KIAA0930: variants seen among roughly 807,000 people sequenced by gnomAD.
KIAA0930 encodes the protein uncharacterized protein KIAA0930.
A neutral mutation model predicts 43.9 loss-of-function variants in KIAA0930; 24 were observed. That is an observed-to-expected ratio of 0.55 (90% CI 0.40 to 0.77). The LOEUF (loss-of-function observed/expected upper bound fraction) is 0.77, where lower values mean the gene tolerates loss of function less well. Ranked by LOEUF, KIAA0930 falls within the 30% of genes least tolerant of loss-of-function variation. KIAA0930 has a pLI of 0.00. For synonymous variants in KIAA0930, 259 were observed against 216.4 expected (o/e 1.20, Z -1.73); for missense variants, 461 against 574.2 (o/e 0.80, Z 2.02).
chr22:45,219,647 C>T (rs192899641), intron 1 of KIAA0930, among the ~76,000 whole-genome samples: 1 of 119,406 alleles, frequency 8.4e-6, no homozygotes, highest in Admixed American at 1.2e-4. Flanking sequence ...GCTGGAATAA[C>T]ATCATGTGAT....
chr22:45,205,438 C>T, intron 4 of KIAA0930, 120 bp from the exon 5 acceptor site: 1 of 947,008 alleles, frequency 1.1e-6, no homozygotes, highest in Non-Finnish European at 1.7e-6. Flanking sequence ...CAGAGACCTA[C>T]CAGGAGATGT....
In KIAA0930 at chr22:45,224,546, G is replaced by A. The variant is rs529593610; in HGVS notation, c.65-12439C>T. Among the ~76,000 whole-genome samples, 20 of 152,292 alleles carry A rather than the reference G, an allele frequency of 1.3e-4. No individual in the cohort carries two copies. The South Asian group carries it at 1.7e-3, about 13-fold the overall frequency. On this transcript the variant is annotated intron_variant, in intron 1 of 9. Coordinates refer to ENST00000336156, the MANE Select transcript of KIAA0930 (RefSeq NM_001009880.2). ...TGGAAGCTGGTGTTTGAACCCACTCGTCCTCACATCAGTTAGTTTGGTCTC... is the reference window on the plus strand; with the variant it reads ...TGGAAGCTGGTGTTTGAACCCACTCATCCTCACATCAGTTAGTTTGGTCTC...
At chr22:45,208,331 CAT>C (rs904493694) in intron 2 of KIAA0930, among the ~76,000 whole-genome samples, 20 of 150,120 alleles carry the variant, frequency 1.3e-4, no homozygotes, top group African/African-American at 4.9e-4. Flanking sequence ...ACTCCACACA[CAT>C]GAGCTGTGAG....
intron 1 of KIAA0930, among the ~76,000 whole-genome samples, chr22:45,230,108 G>A (rs2083843006): frequency 1.3e-5 from 2 of 152,170 alleles, no homozygotes; most frequent in Non-Finnish European, 2.9e-5. Flanking sequence ...GGGGACATAT[G>A]GGACAATGCA....
intron 7 of KIAA0930, among the ~76,000 whole-genome samples, chr22:45,201,242 C>A (rs1674041700): frequency 6.6e-6 from 1 of 152,222 alleles, no homozygotes; most frequent in Non-Finnish European, 1.5e-5. Flanking sequence ...CTCCAGACGA[C>A]CCCGCCAGAG....
Position 45,213,580 on chromosome 22 carries a change from A to T in KIAA0930, c.65-1473T>A, listed in dbSNP as rs77646596. ...CAAAGCCCAAGTCACGCTACTACAGACCCTTGCAAAATTAAGCAAAGCGCT... is the reference window on the plus strand; with the variant it reads ...CAAAGCCCAAGTCACGCTACTACAGTCCCTTGCAAAATTAAGCAAAGCGCT... On this transcript the variant is annotated intron_variant, in intron 1 of 9. Transcript: ENST00000336156. 6,662 of 882,494 alleles carry T rather than the reference A, an allele frequency of 7.5e-3. 334 individuals are homozygous for T. In the African/African-American group the frequency reaches 0.11, roughly 14 times the overall value. 54.7% of individuals were successfully genotyped at this position (882,494 alleles called of 1,614,324 possible).
At chr22:45,213,257 G>T (rs898842982) in intron 1 of KIAA0930, 17 of 1,237,946 alleles carry the variant, frequency 1.4e-5, no homozygotes, top group Non-Finnish European at 1.8e-5. Flanking sequence ...CCCAGCCCTC[G>T]GCCCTCAGCC....
chr22:45,209,914 C>T (rs1479131299), intron 2 of KIAA0930, among the ~76,000 whole-genome samples: 1 of 152,188 alleles, frequency 6.6e-6, no homozygotes, highest in African/African-American at 2.4e-5. Flanking sequence ...CTCCAAATTC[C>T]TCAGGCCTAG....
chr22:45,202,835 G>A, intron 7 of KIAA0930, 155 bp downstream of exon 7: 1 of 601,926 alleles, frequency 1.7e-6, no homozygotes, highest in African/African-American at 1.9e-5. Context: ...GAAGGGCTGG[G>A]TGGTCCGGGC....
At chr22:45,219,331 A>C (rs2083753011) in intron 1 of KIAA0930, among the ~76,000 whole-genome samples, 1 of 152,190 alleles carries the variant, frequency 6.6e-6, no homozygotes, top group African/African-American at 2.4e-5. Flanking sequence ...TACTATGATA[A>C]CTTGGAACAT....
intron 1 of KIAA0930, among the ~76,000 whole-genome samples, chr22:45,231,472 C>T (rs1040202830): frequency 6.6e-6 from 1 of 152,076 alleles, no homozygotes; most frequent in Admixed American, 6.6e-5. Context: ...TGTGTGTGAA[C>T]AGGATACAGA....
At chr22:45,200,416 C>T (rs1401836308) in intron 7 of KIAA0930, among the ~76,000 whole-genome samples, 2 of 152,162 alleles carry the variant, frequency 1.3e-5, no homozygotes, top group African/African-American at 2.4e-5. Flanking sequence ...CCTCCAGCTC[C>T]GTGAGACAGG....
chr22:45,219,423 A>G (rs1427251123), intron 1 of KIAA0930, among the ~76,000 whole-genome samples: 1 of 152,156 alleles, frequency 6.6e-6, no homozygotes, highest in Non-Finnish European at 1.5e-5. Flanking sequence ...CTTTTTTAGA[A>G]AAGGATTAAA....
chr22:45,224,084 G>A (rs778658719), intron 1 of KIAA0930, among the ~76,000 whole-genome samples: 5 of 152,164 alleles, frequency 3.3e-5, no homozygotes, highest in South Asian at 2.1e-4. Context: ...CCCTGAGCAC[G>A]TTTACCTATC....
chr22:45,203,454 C>T (rs1031766011), intron 6 of KIAA0930, among the ~76,000 whole-genome samples: 9 of 152,118 alleles, frequency 5.9e-5, no homozygotes, highest in Admixed American at 1.3e-4. Context: ...GGATGGTGCC[C>T]GCTGGGGGAG....
chr22:45,205,770 G>GGGGGGCC, intron 3 of KIAA0930, 23 bp downstream of exon 3: 28 of 1,523,682 alleles, frequency 1.8e-5, no homozygotes, highest in South Asian at 3.4e-5. Context: ...CCAATCCGCA[G>GGGGGGCC]CCCCACCCAT....
At chr22:45,198,484 A>C (rs370085157) in intron 8 of KIAA0930, among the ~76,000 whole-genome samples, 18 of 152,196 alleles carry the variant, frequency 1.2e-4, no homozygotes, top group East Asian at 9.6e-4. Flanking sequence ...GGTCGAGGCC[A>C]GTGCTGGAGT....
At chr22:45,197,662 T>A in intron 9 of KIAA0930, 128 bp downstream of exon 9, 1 of 960,458 alleles carries the variant, frequency 1.0e-6, no homozygotes, top group Non-Finnish European at 1.6e-6. Flanking sequence ...CCAAGAGCCC[T>A]GCAAAGAAAC....
intron 3 of KIAA0930, 24 bp from the exon 4 acceptor site, chr22:45,205,731 T>C (rs1488778547): frequency 6.2e-7 from 1 of 1,613,982 alleles, no homozygotes; most frequent in South Asian, 1.1e-5. Flanking sequence ...CGGGTCAGCG[T>C]GCAGGGAGGG....
Sources: gnomAD v4.1 joint callset for allele counts (sites outside exome capture counted in the v4.1 genomes callset) on GRCh38, gnomAD v4.1.1 for gene constraint, MANE v1.5 for transcripts, NCBI Gene and HGNC (gene_info 2026-07-23, HGNC 2026-07-21) for gene names.